The following BANK1 variants were observed in gnomAD, a reference collection of about 807,000 sequenced individuals.
BANK1 encodes B-cell scaffold protein with ankyrin repeats.
A neutral mutation model predicts 94.5 loss-of-function variants in BANK1; 95 were observed. The observed-to-expected ratio is 1.00, with a 90% CI of 0.85 to 1.19. BANK1 has a LOEUF of 1.19. Among genes scored for constraint, BANK1 ranks in the 50% most tolerant of loss-of-function variants. The probability of loss-of-function intolerance (pLI) is 0.00; values close to 1 mark genes in which losing one functional copy is unlikely to be tolerated. For missense variants in BANK1, 987 were observed against 932.2 expected (o/e 1.06, Z -0.77); for synonymous variants, 334 against 308.4 (o/e 1.08, Z -0.87).
intron 4 of BANK1, 74 bp downstream of exon 4, chr4:101,862,738 T>G: frequency 7.2e-7 from 1 of 1,380,130 alleles, no homozygotes; most frequent in Non-Finnish European, 9.6e-7. Flanking sequence ...AATAAATGGT[T>G]TCACTTCCTT....
chr4:101,935,762 C>A (rs989306127), intron 7 of BANK1, among the ~76,000 whole-genome samples: 1 of 151,432 alleles, frequency 6.6e-6, no homozygotes. Flanking sequence ...TAAATCCATA[C>A]ATCTACAGTG....
At chr4:101,818,307 A>G (rs946980680) in intron 1 of BANK1, among the ~76,000 whole-genome samples, 18 of 152,206 alleles carry the variant, frequency 1.2e-4, no homozygotes, top group African/African-American at 4.3e-4. Flanking sequence ...TTTATAGTTT[A>G]CATAGGCTAG....
intron 5 of BANK1, among the ~76,000 whole-genome samples, chr4:101,871,118 G>C (rs1728269649): frequency 6.6e-6 from 1 of 152,018 alleles, no homozygotes; most frequent in Non-Finnish European, 1.5e-5. Flanking sequence ...ACACATCTAA[G>C]CTCAGTGTAT....
At chr4:101,799,438 A>T (rs1388393090) in intron 1 of BANK1, among the ~76,000 whole-genome samples, 1 of 152,154 alleles carries the variant, frequency 6.6e-6, no homozygotes, top group Non-Finnish European at 1.5e-5. Context: ...TTGTCTTGGC[A>T]ATGCAGGCTC....
At chr4:102,072,762 T>G (rs973345355) in intron 15 of BANK1, among the ~76,000 whole-genome samples, 5 of 152,194 alleles carry the variant, frequency 3.3e-5, no homozygotes, top group Admixed American at 6.5e-5. Flanking sequence ...AGGACATTAG[T>G]AGGGAAAGTA....
intron 2 of BANK1, among the ~76,000 whole-genome samples, chr4:101,841,899 A>C (rs2148868126): frequency 1.3e-5 from 2 of 150,940 alleles, no homozygotes; most frequent in South Asian, 4.2e-4. Flanking sequence ...TAATAATCTT[A>C]ATTACACAGA....
At chr4:101,815,527 C>T (rs1298398540) in intron 1 of BANK1, among the ~76,000 whole-genome samples, 2 of 152,090 alleles carry the variant, frequency 1.3e-5, no homozygotes, top group African/African-American at 2.4e-5. Flanking sequence ...TTTTAAATTA[C>T]ACCAACATCC....
chr4:101,865,535 A>G (rs1038547174), intron 4 of BANK1, among the ~76,000 whole-genome samples: 1 of 152,110 alleles, frequency 6.6e-6, no homozygotes, highest in African/African-American at 2.4e-5. Context: ...CCTACTCTCC[A>G]GAAGAAAACA....
intron 7 of BANK1, among the ~76,000 whole-genome samples, chr4:102,012,199 C>A (rs1039678612): frequency 6.6e-6 from 1 of 152,056 alleles, no homozygotes; most frequent in Non-Finnish European, 1.5e-5. Context: ...ATATTGAATA[C>A]CCTTATGAAG....
intron 5 of BANK1, among the ~76,000 whole-genome samples, chr4:101,889,136 T>C (rs900109265): frequency 5.9e-5 from 9 of 152,202 alleles, no homozygotes; most frequent in Non-Finnish European, 8.8e-5. Context: ...CTGTGTATTA[T>C]GGTAGTTTGT....
intron 3 of BANK1, among the ~76,000 whole-genome samples, chr4:101,859,462 G>A (rs1030648769): frequency 7.2e-5 from 11 of 152,196 alleles, no homozygotes; most frequent in African/African-American, 2.7e-4. Flanking sequence ...AAGCTTTAAA[G>A]TTTGGAAGTG....
At chr4:101,800,437 G>C (rs967788418) in intron 1 of BANK1, among the ~76,000 whole-genome samples, 1 of 151,384 alleles carries the variant, frequency 6.6e-6, no homozygotes, top group Non-Finnish European at 1.5e-5. Flanking sequence ...AGAATAAATA[G>C]TTGACACTTC....
chr4:101,885,201 G>A (rs1728810096), intron 5 of BANK1, among the ~76,000 whole-genome samples: 1 of 152,236 alleles, frequency 6.6e-6, no homozygotes, highest in East Asian at 1.9e-4. Flanking sequence ...ACAGGCGTGA[G>A]CCACCGCACC....
chr4:101,791,192 A>G (rs1005904097), intron 1 of BANK1, among the ~76,000 whole-genome samples: 9 of 147,446 alleles, frequency 6.1e-5, no homozygotes, highest in African/African-American at 1.7e-4. Context: ...CCAGCGGGCT[A>G]CCCTCAGTGT....
At chr4:101,830,735 G>A (rs552635430) in intron 2 of BANK1, among the ~76,000 whole-genome samples, 48 of 152,154 alleles carry the variant, frequency 3.2e-4, no homozygotes, top group Non-Finnish European at 5.1e-4. Context: ...CAATGTTAAA[G>A]CTTCTCCCTT....
chr4:101,906,642 T>A (rs1336390286), intron 6 of BANK1, among the ~76,000 whole-genome samples: 2 of 152,166 alleles, frequency 1.3e-5, no homozygotes, highest in Non-Finnish European at 2.9e-5. Flanking sequence ...TATACTCTCA[T>A]TCCTCCTCAT....
intron 10 of BANK1, 93 bp downstream of exon 10, chr4:102,030,358 T>A: frequency 7.9e-7 from 1 of 1,272,958 alleles, no homozygotes; most frequent in Non-Finnish European, 1.1e-6. Flanking sequence ...ATTAATGCTC[T>A]AAAACTCCAA....
rs1403826053 is a variant in BANK1 at position 102,043,835 on chromosome 4, A to C, written c.1901-4A>C. The C allele has an allele frequency of 6.3e-7, 1 of 1,590,914 alleles. No individual in the cohort carries two copies. The highest frequency in any genetic ancestry group is 1.7e-5 in the Admixed American group (1 of 59,670). On this transcript the variant is annotated splice_polypyrimidine_tract_variant and splice_region_variant and intron_variant, in intron 10 of 16. Transcript: ENST00000322953. ...GTAAATAATATGTTCTATACTTTTT[A>C]CAGTGTTTCAACAAAAGACAGCCAG...
At chr4:101,852,478 AT>A (rs1727519628) in intron 2 of BANK1, among the ~76,000 whole-genome samples, 1 of 103,336 alleles carries the variant, frequency 9.7e-6, no homozygotes, top group South Asian at 2.9e-4. Context: ...GGCTATATAT[AT>A]ATATATATAT....
Sources: allele counts gnomAD v4.1 joint callset (sites outside exome capture counted in the v4.1 genomes callset), GRCh38; gene constraint gnomAD v4.1.1; transcripts MANE v1.5; gene names NCBI Gene and HGNC (gene_info 2026-07-23, HGNC 2026-07-21).